RFX4: variants seen among roughly 807,000 people sequenced by gnomAD.
RFX4 encodes the protein regulatory factor X4.
A neutral mutation model predicts 95.0 loss-of-function variants in RFX4; 10 were observed. The observed-to-expected ratio is 0.11, with a 90% CI of 0.06 to 0.18. RFX4 has a LOEUF of 0.18. Ranked by LOEUF, RFX4 falls within the 10% of genes least tolerant of loss-of-function variation. The pLI, the probability that RFX4 is intolerant of heterozygous loss-of-function variation, is 1.00. For synonymous variants in RFX4, 321 were observed against 340.7 expected (o/e 0.94, Z 0.64); for missense variants, 640 against 922.0 (o/e 0.69, Z 3.96).
At chr12:106,693,244 G>A in intron 7 of RFX4, 1 of 231,916 alleles carries the variant, frequency 4.3e-6, no homozygotes, top group Non-Finnish European at 8.9e-6. Context: ...AAAATGCAGA[G>A]TAGAAAGGGA....
Position 106,608,876 on chromosome 12 carries a change from T to C in RFX4, c.123T>C (p.Asn41=), listed in dbSNP as rs1331688943. 6.2e-7 allele frequency: 1 copy of C among 1,611,216 alleles called. No individual in the cohort carries two copies. The highest frequency in any genetic ancestry group is 8.5e-7 in the Non-Finnish European group (1 of 1,179,242). The change falls in exon 2 of 18, where the codon AAT becomes AAC. Residue 41 remains asparagine, a synonymous_variant. Transcript: ENST00000392842. ...ACACATCTCTGGGGAATGTTTCTAA[T>C]GATGAAAGTAAGTGCTTGAAACTCA... ...SSHTSLGNVS[N]DENEEKENNR... is the part of the protein sequence containing the mutation.
rs145972149 is a variant in RFX4, at chr12:106,696,367, G to A, written c.754G>A (p.Val252Ile). ...GGGCTCCTCCACGGTGGTGAACATT[G>A]TCGGCGTGTGTGACTCCATCCTCTA... ...VLGSSTVVNIVGVCDSILYKA... is the reference protein window; with the variant it reads ...VLGSSTVVNIIGVCDSILYKA... Residue 252 changes from valine (V) to isoleucine (I), a missense_variant, in exon 8 of 18, where the codon GTC becomes ATC. By Grantham distance (29) the Val-to-Ile change is conservative. Transcript: ENST00000392842. 1 of 1,614,152 alleles carries A rather than the reference G, an allele frequency of 6.2e-7. No individual in the cohort carries two copies. Among genetic ancestry groups the A allele is most frequent in the South Asian group, 1.1e-5 (1 of 91,068 alleles).
chr12:106,696,345 C>G lies in RFX4; in HGVS notation c.732C>G (p.Gly244=), dbSNP rs2041879400. 1 of 1,614,082 alleles carries G rather than the reference C, an allele frequency of 6.2e-7. No homozygotes were observed. Among genetic ancestry groups the G allele is most frequent in the Non-Finnish European group, 8.5e-7 (1 of 1,180,036 alleles). ...GMPPHMLPVL[G]SSTVVNIVGV... ...CGCCCCACATGCTGCCTGTGCTGGG[C>G]TCCTCCACGGTGGTGAACATTGTCG... The change falls in exon 8 of 18, where the codon GGC becomes GGG. Residue 244 remains glycine (G), a synonymous_variant. Coordinates refer to ENST00000392842, the MANE Select transcript of RFX4 (RefSeq NM_213594.3).
intron 2 of RFX4, among the ~76,000 whole-genome samples, chr12:106,613,451 C>T (rs1299342360): frequency 6.6e-6 from 1 of 151,636 alleles, no homozygotes. Flanking sequence ...CAACCCCTGC[C>T]TCCCAGGTTC....
At chr12:106,636,577 G>A (rs2040518280) in intron 2 of RFX4, among the ~76,000 whole-genome samples, 1 of 152,134 alleles carries the variant, frequency 6.6e-6, no homozygotes, top group Admixed American at 6.5e-5. Flanking sequence ...GAAAGGATGA[G>A]AAACATCTAT....
intron 4 of RFX4, among the ~76,000 whole-genome samples, chr12:106,671,211 T>A (rs2041273798): frequency 6.6e-6 from 1 of 152,226 alleles, no homozygotes; most frequent in African/African-American, 2.4e-5. Context: ...CATTAGAATT[T>A]ATTTTAGATC....
In RFX4 at chr12:106,645,875, T is replaced by C. The variant is rs1209563131; in HGVS notation, c.191+6483T>C. 19 of 1,287,578 alleles carry C rather than the reference T, an allele frequency of 1.5e-5. No individual in the cohort carries two copies. In the Admixed American group the frequency reaches 4.1e-4, roughly 28 times the overall value. The allele number at this position is 1,287,578 out of a possible 1,614,324, so 79.8% of individuals were successfully genotyped here. On this transcript the variant is annotated intron_variant, in intron 3 of 17. Coordinates refer to ENST00000392842, the MANE Select transcript of RFX4 (RefSeq NM_213594.3). ...TAGCTCTGAACACAACCAGTGTTGATAGATAATGCCACTAGATGTGACTGT... is the reference window on the plus strand; with the variant it reads ...TAGCTCTGAACACAACCAGTGTTGACAGATAATGCCACTAGATGTGACTGT...
intron 10 of RFX4, among the ~76,000 whole-genome samples, chr12:106,713,564 C>T (rs893181183): frequency 8.5e-5 from 13 of 152,182 alleles, no homozygotes; most frequent in East Asian, 1.9e-4. Flanking sequence ...AAGAATGTTC[C>T]GGCCAGCAAG....
intron 2 of RFX4, among the ~76,000 whole-genome samples, chr12:106,627,484 C>T (rs753157434): frequency 6.6e-5 from 10 of 152,102 alleles, no homozygotes; most frequent in Non-Finnish European, 1.3e-4. Context: ...TTGCAGTGAG[C>T]CGAGACCACG....
At chr12:106,610,963 T>A (rs1350797750) in intron 2 of RFX4, among the ~76,000 whole-genome samples, 1 of 152,194 alleles carries the variant, frequency 6.6e-6, no homozygotes, top group Non-Finnish European at 1.5e-5. Flanking sequence ...TTTTGCCACT[T>A]CCTAGTCATC....
chr12:106,597,616 T>C (rs765124966), intron 1 of RFX4, among the ~76,000 whole-genome samples: 1 of 152,216 alleles, frequency 6.6e-6, no homozygotes, highest in African/African-American at 2.4e-5. Context: ...GTCCCTTGCC[T>C]TAAGGTCACA....
At chr12:106,737,896 A>C (rs1376302655) in intron 15 of RFX4, among the ~76,000 whole-genome samples, 2 of 152,172 alleles carry the variant, frequency 1.3e-5, no homozygotes, top group Non-Finnish European at 2.9e-5. Context: ...TGCTTTGAGG[A>C]GGAAGAATGT....
chr12:106,762,259 T>G lies in RFX4; in HGVS notation c.*790T>G, dbSNP rs2043218292. ...AGAGGGTTTTTGTTTTTTTTTTAAG[T>G]TCTATGAGAATGTGGATTTATGGCA... On this transcript the variant is annotated 3_prime_UTR_variant, in exon 18 of 18. Coordinates refer to ENST00000392842, the MANE Select transcript of RFX4 (RefSeq NM_213594.3). The G allele has an allele frequency of 1.3e-5, 2 of 152,498 alleles. No homozygotes were observed. Among genetic ancestry groups the G allele is most frequent in the African/African-American group, 4.8e-5 (2 of 41,394 alleles). The allele number at this position is 152,498 out of a possible 1,614,324, so 9.4% of individuals were successfully genotyped here. A position where few individuals can be genotyped will look rare whatever the true frequency, so the allele number is the denominator to read the frequency against.
chr12:106,725,873 C>A (rs1012035483), intron 13 of RFX4, among the ~76,000 whole-genome samples: 3 of 151,954 alleles, frequency 2.0e-5, no homozygotes, highest in Non-Finnish European at 2.9e-5. Context: ...TTTTTATAGG[C>A]AAGTTTAACT....
chr12:106,643,776 T>G (rs550092614), intron 3 of RFX4, among the ~76,000 whole-genome samples: 1 of 152,338 alleles, frequency 6.6e-6, no homozygotes, highest in Non-Finnish European at 1.5e-5. Flanking sequence ...TGCTTTACTT[T>G]TATTTTGTTT....
intron 8 of RFX4, among the ~76,000 whole-genome samples, chr12:106,704,649 G>A (rs1219056692): frequency 6.6e-6 from 1 of 152,072 alleles, no homozygotes; most frequent in African/African-American, 2.4e-5. Context: ...AAATTCAGGG[G>A]AATAAAAAGA....
At chr12:106,618,421 T>C (rs1218289335) in intron 2 of RFX4, among the ~76,000 whole-genome samples, 2 of 152,150 alleles carry the variant, frequency 1.3e-5, no homozygotes, top group Admixed American at 6.5e-5. Flanking sequence ...TTACTTTATA[T>C]ATTTTGAAGT....
At position 106,720,151 on chromosome 12, in the gene RFX4, T is replaced by A; in HGVS notation, c.1233+97T>A. ...AGACAAAGCCCTATGGTAAGCTATC[T>A]GAACAGGGTTTTGAGGAGAGGCCCC... On this transcript the variant is annotated intron_variant, in intron 12 of 17. Transcript: ENST00000392842. This position sits in a 1 kb window ranked among gnomAD's most constrained non-coding sequence, Gnocchi z 4.2. 1.9e-6 allele frequency: 2 copies of A among 1,060,406 alleles called. No homozygotes were observed. The highest frequency in any genetic ancestry group is 2.9e-6 in the Non-Finnish European group (2 of 689,558). The allele number at this position is 1,060,406 out of a possible 1,614,324, so 65.7% of individuals were successfully genotyped here.
Position 106,720,790 on chromosome 12 carries a change from A to G in RFX4, c.1265A>G (p.Lys422Arg). 1 of 1,613,984 alleles carries G rather than the reference A, an allele frequency of 6.2e-7. No homozygotes were observed. The highest frequency in any genetic ancestry group is 8.5e-7 in the Non-Finnish European group (1 of 1,180,024). ...VAAKRQGSLK[K>R]VAQQFLLMWS... is the part of the protein sequence containing the mutation. ...GCCAAGAGACAAGGGTCCTTGAAGAAAGTGGCCCAGCAGTTCCTCTTGATG... is the reference window on the plus strand; with the variant it reads ...GCCAAGAGACAAGGGTCCTTGAAGAGAGTGGCCCAGCAGTTCCTCTTGATG... Residue 422 changes from lysine to arginine, a missense_variant, in exon 13 of 18, where the codon AAA (lysine) becomes AGA (arginine). Lys to Arg is a conservative substitution (Grantham distance 26, BLOSUM62 2). Transcript: ENST00000392842. The surrounding 1 kb of genome is among the most constrained non-coding windows in gnomAD (Gnocchi z 4.2).
Sources: gnomAD v4.1 joint callset for allele counts (sites outside exome capture counted in the v4.1 genomes callset) on GRCh38, gnomAD v4.1.1 for gene constraint, Gnocchi (gnomAD v3.1) non-coding constraint, MANE v1.5 for transcripts, NCBI Gene and HGNC (gene_info 2026-07-23, HGNC 2026-07-21) for gene names.